The following LRP1B variants were observed in gnomAD, a reference collection of about 807,000 sequenced individuals.
The protein encoded by LRP1B is low-density lipoprotein receptor-related protein 1B.
LRP1B carries 217 observed loss-of-function variants against 556.6 expected under a neutral mutation model. That is an observed-to-expected ratio of 0.39 (90% CI 0.35 to 0.44). The LOEUF is 0.44. Ranked by LOEUF, LRP1B falls within the 20% of genes least tolerant of loss-of-function variation. The pLI is 1.00. For synonymous variants in LRP1B, 2,047 were observed against 1,865.8 expected (o/e 1.10, Z -2.50); for missense variants, 5,053 against 5,620.8 (o/e 0.90, Z 3.23).
chr2:141,688,347 G>A (rs1442281230), intron 2 of LRP1B, among the ~76,000 whole-genome samples: 1 of 151,592 alleles, frequency 6.6e-6, no homozygotes, highest in Admixed American at 6.6e-5. Flanking sequence ...TACCCTATAT[G>A]GACTTACACA....
chr2:141,533,684 C>G (rs1684968797), intron 2 of LRP1B, among the ~76,000 whole-genome samples: 1 of 152,142 alleles, frequency 6.6e-6, no homozygotes, highest in African/African-American at 2.4e-5. Flanking sequence ...TGTCTTAACA[C>G]TTGAAATCTC....
chr2:141,991,965 C>G lies in LRP1B; in HGVS notation c.82+138683G>C, dbSNP rs192466864. Among the ~76,000 whole-genome samples, 1,349 of 152,202 alleles carry G rather than the reference C, an allele frequency of 8.9e-3. 9 individuals are homozygous for G. Among genetic ancestry groups the G allele is most frequent in the Non-Finnish European group, 0.015 (989 of 67,990 alleles). ...CCTGGTATTCCTGTGGGACTGGCTCCAGGACTCCCTTGGATATCAAAAATC... is the reference window on the plus strand; with the variant it reads ...CCTGGTATTCCTGTGGGACTGGCTCGAGGACTCCCTTGGATATCAAAAATC... On this transcript the variant is annotated intron_variant, in intron 1 of 90. Coordinates refer to ENST00000389484, the MANE Select transcript of LRP1B (RefSeq NM_018557.3).
intron 22 of LRP1B, 133 bp downstream of exon 22, chr2:140,907,744 C>T (rs1314998711): frequency 1.3e-6 from 1 of 794,400 alleles, no homozygotes; most frequent in African/African-American, 1.7e-5. Flanking sequence ...GAAATGTAGA[C>T]AAGGTTCAAT....
chr2:140,997,385 T>A (rs193104025), intron 15 of LRP1B, among the ~76,000 whole-genome samples: 2,285 of 151,884 alleles, frequency 0.015, 38 homozygotes, highest in African/African-American at 0.029. Flanking sequence ...TTTTTTTTTT[T>A]TAATTTATTT....
intron 66 of LRP1B, among the ~76,000 whole-genome samples, chr2:140,423,401 G>A (rs1685529694): frequency 6.6e-6 from 1 of 152,046 alleles, no homozygotes; most frequent in African/African-American, 2.4e-5. Flanking sequence ...ATACATTGAA[G>A]CAAATCACAG....
chr2:141,086,953 C>T (rs1259279560), intron 7 of LRP1B, among the ~76,000 whole-genome samples: 3 of 152,058 alleles, frequency 2.0e-5, no homozygotes, highest in Non-Finnish European at 4.4e-5. Flanking sequence ...TGAGAAGGAA[C>T]ATATTGGTGG....
At chr2:141,997,096 G>A (rs1702512835) in intron 1 of LRP1B, among the ~76,000 whole-genome samples, 1 of 152,064 alleles carries the variant, frequency 6.6e-6, no homozygotes. Context: ...CTGAGTATGA[G>A]TGCTTGTTGA....
chr2:141,360,997 T>C (rs888492674), intron 3 of LRP1B, among the ~76,000 whole-genome samples: 5 of 152,126 alleles, frequency 3.3e-5, no homozygotes, highest in African/African-American at 4.8e-5. Flanking sequence ...AATAAATAGA[T>C]TGAATAAATA....
At chr2:140,971,517 A>G (rs1285355521) in intron 18 of LRP1B, among the ~76,000 whole-genome samples, 1 of 152,194 alleles carries the variant, frequency 6.6e-6, no homozygotes, top group Non-Finnish European at 1.5e-5. Context: ...TTAAAACCAC[A>G]GTTTACATTC....
chr2:142,020,924 T>A (rs759943453), intron 1 of LRP1B, among the ~76,000 whole-genome samples: 2 of 152,206 alleles, frequency 1.3e-5, no homozygotes, highest in Non-Finnish European at 2.9e-5. Flanking sequence ...AGCTAGTAAA[T>A]GTTCATTCTA....
chr2:141,229,544 C>A, intron 5 of LRP1B, 104 bp from the exon 6 acceptor site: 1 of 865,270 alleles, frequency 1.2e-6, no homozygotes. Context: ...TTAATAAATT[C>A]ATAACAAAAA....
intron 82 of LRP1B, among the ~76,000 whole-genome samples, chr2:140,319,133 AAT>A (rs1280656938): frequency 6.6e-6 from 1 of 151,758 alleles, no homozygotes; most frequent in African/African-American, 2.4e-5. Flanking sequence ...TTGGACACAT[AAT>A]TTGGACCAAA....
rs961441765 is a variant in LRP1B, at chr2:141,400,519, C to T, written c.343+79877G>A. Among the ~76,000 whole-genome samples the T allele has an allele frequency of 7.9e-5, 12 of 152,098 alleles. 1 individual carries two copies. The highest frequency in any genetic ancestry group is 2.9e-4 in the African/African-American group (12 of 41,414). ...TGGCTATTGAAATTAAGAAAAAATT[C>T]TCCATAGTTTTAGAAGCAAAAGATG... On this transcript the variant is annotated intron_variant, in intron 3 of 90. Coordinates refer to ENST00000389484, the MANE Select transcript of LRP1B (RefSeq NM_018557.3).
At chr2:141,263,029 AG>A (rs1684757190) in intron 3 of LRP1B, among the ~76,000 whole-genome samples, 1 of 151,862 alleles carries the variant, frequency 6.6e-6, no homozygotes, top group Non-Finnish European at 1.5e-5. Flanking sequence ...AAAATATGGT[AG>A]GTATATATGC....
intron 3 of LRP1B, among the ~76,000 whole-genome samples, chr2:141,423,672 G>A (rs1036428529): frequency 1.3e-5 from 2 of 152,076 alleles, no homozygotes; most frequent in African/African-American, 2.4e-5. Flanking sequence ...TGCACCCCCA[G>A]AACTCACTGT....
chr2:141,207,908 T>C (rs558190118), intron 6 of LRP1B, among the ~76,000 whole-genome samples: 99 of 152,344 alleles, frequency 6.5e-4, no homozygotes, highest in African/African-American at 2.3e-3. Flanking sequence ...ACTTCTGACC[T>C]CAGATGATCC....
intron 2 of LRP1B, among the ~76,000 whole-genome samples, chr2:141,695,522 G>A (rs1187796788): frequency 6.6e-6 from 1 of 151,928 alleles, no homozygotes; most frequent in East Asian, 1.9e-4. Flanking sequence ...AGATGAGGAA[G>A]GCTTAGAAGT....
chr2:142,081,690 G>A (rs746543482), intron 1 of LRP1B, among the ~76,000 whole-genome samples: 11 of 152,056 alleles, frequency 7.2e-5, no homozygotes, highest in Non-Finnish European at 1.6e-4. Context: ...TGCTGTCCAG[G>A]CTGGTCTCAA....
rs569284311 is a variant in LRP1B at position 140,671,287 on chromosome 2, A to G, written c.6799+28963T>C. Among the ~76,000 whole-genome samples the G allele has an allele frequency of 3.0e-4, 46 of 152,238 alleles. No homozygotes were observed. The East Asian group carries it at 3.5e-3, about 12-fold the overall frequency. On this transcript the variant is annotated intron_variant, in intron 41 of 90. Coordinates refer to ENST00000389484, the MANE Select transcript of LRP1B (RefSeq NM_018557.3). Reference sequence around the variant, plus strand: ...TGTAATCCCAGCACTTTGGGAGGCCAAGGCGGGCGGATCATGAGGTCAGGA... The same window carrying G: ...TGTAATCCCAGCACTTTGGGAGGCCGAGGCGGGCGGATCATGAGGTCAGGA...
Sources: gnomAD v4.1 joint callset for allele counts (sites outside exome capture counted in the v4.1 genomes callset) on GRCh38, gnomAD v4.1.1 for gene constraint, MANE v1.5 for transcripts, NCBI Gene and HGNC (gene_info 2026-07-23, HGNC 2026-07-21) for gene names.